Variants in RPS25 observed in about 807,000 individuals in gnomAD.
RPS25 encodes ribosomal protein S25, also known as small ribosomal subunit protein eS25.
In RPS25, 1 loss-of-function variant was observed where a neutral mutation model predicts 14.4. The observed-to-expected ratio is 0.07, with a 90% CI of 0.02 to 0.33. RPS25 has a LOEUF of 0.33. RPS25 is among the 10% of genes least tolerant of loss of function. The pLI is 1.00. For synonymous variants in RPS25, 63 were observed against 53.8 expected (o/e 1.17, Z -0.75); for missense variants, 65 against 144.6 (o/e 0.45, Z 2.82).
intron 3 of RPS25, among the ~76,000 whole-genome samples, chr11:119,016,200 C>T (rs1279206310): frequency 6.6e-6 from 1 of 152,092 alleles, no homozygotes; most frequent in Non-Finnish European, 1.5e-5. Context: ...AGGTGAGGAC[C>T]ACCTGAACCC....
At chr11:119,017,687 ACACCG>A in intron 2 of RPS25, 142 bp from the exon 3 acceptor site, 2 of 850,956 alleles carry the variant, frequency 2.4e-6, no homozygotes, top group African/African-American at 1.7e-5. Flanking sequence ...CAAAAAAAAA[ACACCG>A]ACACGTTTTT....
intron 3 of RPS25, 106 bp from the exon 4 acceptor site, chr11:119,016,045 T>C: frequency 1.4e-6 from 1 of 692,644 alleles, no homozygotes; most frequent in South Asian, 1.7e-5. Context: ...CCCACTGCTT[T>C]GGGAGGTGGA....
At position 119,015,718 on chromosome 11, in the gene RPS25, T is replaced by G; in HGVS notation, c.*45A>C. 7.7e-7 allele frequency: 1 copy of G among 1,290,440 alleles called. No individual in the cohort carries two copies. Among genetic ancestry groups the G allele is most frequent in the Non-Finnish European group, 1.1e-6 (1 of 907,412 alleles). The allele number at this position is 1,290,440 out of a possible 1,614,324, so 79.9% of individuals were successfully genotyped here. A position where few individuals can be genotyped will look rare whatever the true frequency, so the allele number is the denominator to read the frequency against. On this transcript the variant is annotated 3_prime_UTR_variant, in exon 5 of 5. Transcript: ENST00000527673. ...AAACAGACATACTCATTCATTTGAT[T>G]TAATAAAGTTTTATTTTTCCAAATG...
intron 3 of RPS25, 107 bp downstream of exon 3, chr11:119,017,255 A>G (rs1943185541): frequency 2.4e-6 from 2 of 819,384 alleles, no homozygotes; most frequent in Non-Finnish European, 3.7e-6. Flanking sequence ...TGGTCAAGCC[A>G]CGCTTTTTTT....
intron 1 of RPS25, 54 bp from the exon 2 acceptor site, chr11:119,018,107 C>T: frequency 6.3e-7 from 1 of 1,581,398 alleles, no homozygotes; most frequent in Non-Finnish European, 8.7e-7. Flanking sequence ...CCAAAGTCCC[C>T]TAATACTGCG....
chr11:119,017,777 A>T, intron 2 of RPS25, 181 bp downstream of exon 2: 1 of 664,452 alleles, frequency 1.5e-6, no homozygotes, highest in Non-Finnish European at 2.6e-6. Context: ...GACACTTCGC[A>T]CAACAGACCC....
chr11:119,017,334 A>T, intron 3 of RPS25, 28 bp downstream of exon 3: 1 of 1,529,076 alleles, frequency 6.5e-7, no homozygotes, highest in Non-Finnish European at 8.9e-7. Context: ...TAACCTACAA[A>T]AACACACATG....
chr11:119,015,987 A>C, intron 3 of RPS25, 48 bp from the exon 4 acceptor site: 1 of 1,203,144 alleles, frequency 8.3e-7, no homozygotes. Context: ...ATGCTACAAT[A>C]GAAACTAGTA....
In RPS25 at chr11:119,017,426, G is replaced by A. The variant is rs782360649; in HGVS notation, c.219C>T (p.Val73=). The A allele has an allele frequency of 6.2e-7, 1 of 1,614,038 alleles. No homozygotes were observed. The highest frequency in any genetic ancestry group is 1.7e-5 in the Admixed American group (1 of 60,014). ...PNYKLITPAV[V]SERLKIRGSL... is the part of the protein sequence containing the mutation. ...AGCCTCGAATCTTCAGTCTCTCAGA[G>A]ACCACAGCTGGGGTTATAAGTTTAT... is the stretch of plus-strand genomic sequence containing the variant. The change falls in exon 3 of 5, where the codon GTC becomes GTT. Residue 73 remains valine (V), a synonymous_variant. Coordinates refer to ENST00000527673, the MANE Select transcript of RPS25 (RefSeq NM_001028.3).
intron 3 of RPS25, 46 bp downstream of exon 3, chr11:119,017,316 A>G (rs1943187270): frequency 3.5e-6 from 5 of 1,422,412 alleles, no homozygotes; most frequent in Non-Finnish European, 4.8e-6. Context: ...AACATGGTCA[A>G]GACAATTTAA....
Position 119,017,879 on chromosome 11 carries a change from C to A in RPS25, c.99+79G>T, listed in dbSNP as rs146741358. On this transcript the variant is annotated intron_variant, in intron 2 of 4. Transcript: ENST00000527673. The stretch of plus-strand genomic sequence containing the variant: ...CTAGAAATCTACACCTGAAAAACCA[C>A]TTACTATACAAGTTACCTATTACTA... The A allele has an allele frequency of 4.3e-4, 487 of 1,145,012 alleles. 3 individuals are homozygous for A. In the African/African-American group the frequency reaches 6.7e-3, roughly 16 times the overall value. 70.9% of individuals were successfully genotyped at this position (1,145,012 alleles called of 1,614,324 possible).
chr11:119,017,850 G>C (rs913810809), intron 2 of RPS25, 108 bp downstream of exon 2: 1 of 870,130 alleles, frequency 1.1e-6, no homozygotes, highest in South Asian at 1.5e-5. Flanking sequence ...CTCACATTTT[G>C]ACTCTAGAAA....
At position 119,015,951 on chromosome 11, in the gene RPS25, G is replaced by GAATA; in HGVS notation, c.284-16_284-13dup. On this transcript the variant is annotated splice_polypyrimidine_tract_variant and intron_variant, in intron 3 of 4. Coordinates refer to ENST00000527673, the MANE Select transcript of RPS25 (RefSeq NM_001028.3). Reference sequence around the variant, plus strand: ...CAGTTTGATAAGTCCTAGGGGGAGAGAATAGCACGATGAGATGCTTAACAG... The same window carrying GAATA: ...CAGTTTGATAAGTCCTAGGGGGAGAGAATAAATAGCACGATGAGATGCTTAACAG... 2 of 1,494,698 alleles carry GAATA rather than the reference G, an allele frequency of 1.3e-6. No individual in the cohort carries two copies. Among genetic ancestry groups the GAATA allele is most frequent in the South Asian group, 2.3e-5 (2 of 88,600 alleles). 92.6% of individuals were successfully genotyped at this position (1,494,698 alleles called of 1,614,324 possible). A position where few individuals can be genotyped will look rare whatever the true frequency, so the allele number is the denominator to read the frequency against.
intron 3 of RPS25, 101 bp downstream of exon 3, chr11:119,017,257 GCTTT>G (rs1943185784): frequency 2.0e-5 from 16 of 820,066 alleles, no homozygotes; most frequent in Non-Finnish European, 2.8e-5. Flanking sequence ...GTCAAGCCAC[GCTTT>G]TTTTTTTTAA....
intron 3 of RPS25, among the ~76,000 whole-genome samples, chr11:119,016,699 C>T (rs886108753): frequency 2.0e-5 from 3 of 147,876 alleles, no homozygotes; most frequent in Admixed American, 6.8e-5. Context: ...GGTGTCATCT[C>T]GGCTCACTGC....
rs782031879 is a variant in RPS25 at position 119,017,471 on chromosome 11, G to A, written c.174C>T (p.Leu58=). The A allele has an allele frequency of 1.2e-5, 19 of 1,614,112 alleles. No individual in the cohort carries two copies. In the East Asian group the frequency reaches 4.0e-4, roughly 34 times the overall value. Residue 58 remains leucine (L), a synonymous_variant, in exon 3 of 5, where the codon CTC becomes CTT. Transcript: ENST00000527673. ...VLFDKATYDK[L]CKEVPNYKLI... ...GTTTATAGTTGGGAACTTCCTTACAGAGTTTATCATAGGTAGCTTTGTCAA... is the reference window on the plus strand; with the variant it reads ...GTTTATAGTTGGGAACTTCCTTACAAAGTTTATCATAGGTAGCTTTGTCAA...
At chr11:119,016,858 T>G (rs7121270) in intron 3 of RPS25, among the ~76,000 whole-genome samples, 45,117 of 151,798 alleles carry the variant, frequency 0.3, 7,384 homozygotes, top group African/African-American at 0.43. Context: ...CTGACCTCCG[T>G]TGATTCACCC....
rs188846483 is a variant in RPS25 at position 119,018,117 on chromosome 11, G to A, written c.4-64C>T. The A allele has an allele frequency of 2.1e-4, 321 of 1,565,084 alleles. 1 individual carries two copies. In the Admixed American group the frequency reaches 4.1e-3, roughly 20 times the overall value. ...TAGCGCCAAAGTCCCCTAATACTGCGCCCTCAGCCCCCGCAAACTCCACCA... is the reference window on the plus strand; with the variant it reads ...TAGCGCCAAAGTCCCCTAATACTGCACCCTCAGCCCCCGCAAACTCCACCA... On this transcript the variant is annotated intron_variant, in intron 1 of 4. Transcript: ENST00000527673.
At chr11:119,016,634 A>AC (rs11297997) in intron 3 of RPS25, among the ~76,000 whole-genome samples, 3,860 of 101,642 alleles carry the variant, frequency 0.038, 68 homozygotes, top group East Asian at 0.062. Flanking sequence ...ATTATCTTCC[A>AC]CCCCCCCCCC....
Sources: allele counts gnomAD v4.1 joint callset (sites outside exome capture counted in the v4.1 genomes callset), GRCh38; gene constraint gnomAD v4.1.1; transcripts MANE v1.5; gene names NCBI Gene and HGNC (gene_info 2026-07-23, HGNC 2026-07-21).